SMYD3: variants seen among roughly 807,000 people sequenced by gnomAD.
SMYD3 encodes the protein SET and MYND domain containing 3.
Under a neutral mutation model 57.7 loss-of-function variants are expected in SMYD3, and 36 were observed. The observed-to-expected ratio is 0.62, with a 90% CI of 0.48 to 0.82. SMYD3 has a LOEUF of 0.82. SMYD3 is among the 40% of genes least tolerant of loss of function. The probability of loss-of-function intolerance (pLI) is 0.00; values close to 1 mark genes in which losing one functional copy is unlikely to be tolerated. For synonymous variants in SMYD3, 211 were observed against 195.0 expected (o/e 1.08, Z -0.68); for missense variants, 515 against 538.8 (o/e 0.96, Z 0.44).
At chr1:246,275,241 A>G (rs2064306577) in intron 5 of SMYD3, among the ~76,000 whole-genome samples, 1 of 152,230 alleles carries the variant, frequency 6.6e-6, no homozygotes, top group Non-Finnish European at 1.5e-5. Context: ...TGCTGTAACA[A>G]TAGACAAGAC....
At chr1:245,849,509 A>G (rs1246605801) in intron 10 of SMYD3, among the ~76,000 whole-genome samples, 1 of 152,110 alleles carries the variant, frequency 6.6e-6, no homozygotes, top group Non-Finnish European at 1.5e-5. Context: ...CACTTAGGAG[A>G]GTTCTCTAGA....
chr1:246,506,582 C>G (rs2068541936), intron 1 of SMYD3, among the ~76,000 whole-genome samples: 1 of 152,202 alleles, frequency 6.6e-6, no homozygotes, highest in Non-Finnish European at 1.5e-5. Flanking sequence ...ATTCTTCCAC[C>G]TGCTGCAAGC....
chr1:245,784,702 T>G (rs1437677795), intron 10 of SMYD3, among the ~76,000 whole-genome samples: 1 of 152,134 alleles, frequency 6.6e-6, no homozygotes, highest in East Asian at 1.9e-4. Flanking sequence ...AGCCAAGTGT[T>G]GCCAAGGACC....
At chr1:245,798,481 ACAC>A (rs1462505238) in intron 10 of SMYD3, among the ~76,000 whole-genome samples, 24 of 82,746 alleles carry the variant, frequency 2.9e-4, no homozygotes, top group Non-Finnish European at 3.6e-4. Context: ...CATACACAAC[ACAC>A]CACACACACA....
Position 246,023,565 on chromosome 1 carries a change from T to C in SMYD3, c.532-93628A>G, listed in dbSNP as rs1216676866. 2.0e-5 allele frequency among the ~76,000 whole-genome samples: 3 copies of C among 152,330 alleles called. No individual in the cohort carries two copies. In the South Asian group the frequency reaches 6.2e-4, roughly 32 times the overall value. On this transcript the variant is annotated intron_variant, in intron 5 of 11. Transcript: ENST00000490107. ...GGAAAAAAAAAGGACTTATGTTTTG[T>C]ACTTTTCACAGTGTAGAGGATGATG... is the stretch of plus-strand genomic sequence containing the variant.
chr1:245,793,299 C>A (rs1448909555), intron 10 of SMYD3, among the ~76,000 whole-genome samples: 1 of 150,056 alleles, frequency 6.7e-6, no homozygotes, highest in Non-Finnish European at 1.5e-5. Context: ...AGACTCCGTC[C>A]CAAAAAAAAA....
At chr1:246,040,007 A>C (rs901884080) in intron 5 of SMYD3, among the ~76,000 whole-genome samples, 2 of 152,236 alleles carry the variant, frequency 1.3e-5, no homozygotes, top group African/African-American at 4.8e-5. Flanking sequence ...GTTACAGTTA[A>C]CGTCCGACAT....
At chr1:246,079,898 T>G (rs34626667) in intron 5 of SMYD3, among the ~76,000 whole-genome samples, 26,045 of 152,128 alleles carry the variant, frequency 0.17, 4,108 homozygotes, top group African/African-American at 0.42. Flanking sequence ...CTCTAATAAC[T>G]CACGATAGAG....
At chr1:246,345,037 T>C (rs540901643) in intron 2 of SMYD3, among the ~76,000 whole-genome samples, 16 of 152,282 alleles carry the variant, frequency 1.1e-4, no homozygotes, top group African/African-American at 3.4e-4. Flanking sequence ...TTTCTCCATG[T>C]CTGTAGTTTG....
chr1:246,332,975 T>C (rs1258753690), intron 3 of SMYD3, among the ~76,000 whole-genome samples: 6 of 152,234 alleles, frequency 3.9e-5, no homozygotes, highest in Non-Finnish European at 8.8e-5. Context: ...TGGAAGAAGA[T>C]GTCACTTAGG....
intron 5 of SMYD3, among the ~76,000 whole-genome samples, chr1:246,063,538 TCCTTCCTTC>T (rs145685635): frequency 0.048 from 7,112 of 149,648 alleles, 197 homozygotes; most frequent in African/African-American, 0.061. Context: ...CTTCCTTTCC[TCCTTCCTTC>T]CCTTCCTTCC....
chr1:246,394,676 C>A (rs193094963), intron 1 of SMYD3, among the ~76,000 whole-genome samples: 1 of 152,170 alleles, frequency 6.6e-6, no homozygotes, highest in Non-Finnish European at 1.5e-5. Flanking sequence ...GAGAGCCTCC[C>A]GAACTCAGCT....
At chr1:246,200,381 G>C (rs968609467) in intron 5 of SMYD3, among the ~76,000 whole-genome samples, 2 of 150,974 alleles carry the variant, frequency 1.3e-5, no homozygotes, top group African/African-American at 2.4e-5. Flanking sequence ...ACAGAGGATG[G>C]AGAACAGCGC....
chr1:246,430,896 G>T (rs2067287214), intron 1 of SMYD3, among the ~76,000 whole-genome samples: 1 of 152,166 alleles, frequency 6.6e-6, no homozygotes, highest in Admixed American at 6.5e-5. Flanking sequence ...ACAACAAGAG[G>T]AAGGAAAACC....
intron 1 of SMYD3, among the ~76,000 whole-genome samples, chr1:246,458,930 G>C (rs2067749260): frequency 6.6e-6 from 1 of 152,124 alleles, no homozygotes; most frequent in South Asian, 2.1e-4. Context: ...ATCTGACCCA[G>C]TAGGCAAAAC....
chr1:246,225,265 T>C (rs1424489499), intron 5 of SMYD3, among the ~76,000 whole-genome samples: 1 of 131,856 alleles, frequency 7.6e-6, no homozygotes, highest in Non-Finnish European at 1.6e-5. Context: ...ACAAGAAGAG[T>C]GTTGAGTACT....
intron 5 of SMYD3, among the ~76,000 whole-genome samples, chr1:246,096,812 C>T (rs563646161): frequency 6.6e-5 from 10 of 152,306 alleles, no homozygotes; most frequent in African/African-American, 1.9e-4. Context: ...ATTCCAGTTA[C>T]GTGACAACAA....
intron 5 of SMYD3, among the ~76,000 whole-genome samples, chr1:245,977,159 AATC>A (rs1391572350): frequency 1.3e-5 from 2 of 152,222 alleles, no homozygotes; most frequent in Non-Finnish European, 2.9e-5. Context: ...ACAGAATTAG[AATC>A]ATCTTTTTAC....
At chr1:246,142,031 G>A (rs1040953295) in intron 5 of SMYD3, among the ~76,000 whole-genome samples, 4 of 152,084 alleles carry the variant, frequency 2.6e-5, no homozygotes, top group South Asian at 2.1e-4. Context: ...AGGCATCACC[G>A]GCCTTGAACC....
Sources: gnomAD v4.1 joint callset for allele counts (sites outside exome capture counted in the v4.1 genomes callset) on GRCh38, gnomAD v4.1.1 for gene constraint, MANE v1.5 for transcripts, NCBI Gene and HGNC (gene_info 2026-07-23, HGNC 2026-07-21) for gene names.